The following ENOSF1 variants were observed in gnomAD, a reference collection of about 807,000 sequenced individuals.
ENOSF1 encodes the protein mitochondrial enolase superfamily member 1.
In ENOSF1, 73 loss-of-function variants were observed where a neutral mutation model predicts 68.2. That is an observed-to-expected ratio of 1.07 (90% CI 0.89 to 1.30). The LOEUF is 1.30. Among genes scored for constraint, ENOSF1 ranks in the 50% most tolerant of loss-of-function variants. ENOSF1 has a pLI of 0.00. For missense variants in ENOSF1, 589 were observed against 554.5 expected (o/e 1.06, Z -0.62); for synonymous variants, 223 against 210.4 (o/e 1.06, Z -0.52).
At chr18:698,740 C>T (rs2078008670) in intron 2 of ENOSF1, among the ~76,000 whole-genome samples, 1 of 152,138 alleles carries the variant, frequency 6.6e-6, no homozygotes, top group Non-Finnish European at 1.5e-5. Context: ...TCCACCTCCG[C>T]CTCCTGAGTA....
rs551849190 is a variant in ENOSF1, at chr18:701,775, G to C, written c.194-4420C>G. On this transcript the variant is annotated intron_variant, in intron 2 of 15. Transcript: ENST00000647584. ...CCATCTCAAAAAAAAAAAAAAATTA[G>C]CTGGCGTGATAGTGGGCACCTGTAA... Among the ~76,000 whole-genome samples, 64 of 138,858 alleles carry C rather than the reference G, an allele frequency of 4.6e-4. 1 individual carries two copies. Among genetic ancestry groups the C allele is most frequent in the South Asian group, 9.1e-4 (4 of 4,392 alleles). The allele number at this position is 138,858 out of a possible 152,430, so 91.1% of individuals were successfully genotyped here.
rs2075101367 is a variant in ENOSF1 at position 672,334 on chromosome 18, C to T, written c.*1971G>A. ...GCTTTTGAGTGGAGGTGACTTCAGGCTTATTCTCTCTGGCTCTCTGCTCTG... is the reference window on the plus strand; with the variant it reads ...GCTTTTGAGTGGAGGTGACTTCAGGTTTATTCTCTCTGGCTCTCTGCTCTG... On this transcript the variant is annotated 3_prime_UTR_variant, in exon 16 of 16. Coordinates refer to ENST00000647584, the MANE Select transcript of ENOSF1 (RefSeq NM_017512.7). 6.6e-6 allele frequency: 1 copy of T among 152,266 alleles called. No individual in the cohort carries two copies. Among genetic ancestry groups the T allele is most frequent in the African/African-American group, 2.4e-5 (1 of 41,434 alleles). 9.4% of individuals were successfully genotyped at this position (152,266 alleles called of 1,614,324 possible). A position where few individuals can be genotyped will look rare whatever the true frequency, so the allele number is the denominator to read the frequency against.
chr18:685,629 T>C (rs1598610274), intron 10 of ENOSF1, among the ~76,000 whole-genome samples: 1 of 150,750 alleles, frequency 6.6e-6, no homozygotes, highest in South Asian at 2.1e-4. Flanking sequence ...GGAGATTACA[T>C]GATTGACACA....
At chr18:676,526 G>C (rs760908103) in intron 14 of ENOSF1, among the ~76,000 whole-genome samples, 1 of 152,132 alleles carries the variant, frequency 6.6e-6, no homozygotes, top group Non-Finnish European at 1.5e-5. Context: ...CATCATGATT[G>C]TAAGTTTCCA....
intron 5 of ENOSF1, chr18:692,867 C>G: frequency 9.1e-7 from 1 of 1,098,628 alleles, no homozygotes; most frequent in Non-Finnish European, 1.1e-6. Context: ...AGCCTCCTGT[C>G]TTCACTTTCC....
intron 5 of ENOSF1, chr18:693,279 G>A: frequency 7.9e-7 from 1 of 1,273,438 alleles, no homozygotes; most frequent in Non-Finnish European, 1.0e-6. Flanking sequence ...AGGCTACAAT[G>A]GCCTGATCTT....
Position 685,957 on chromosome 18 carries a change from T to C in ENOSF1, c.705A>G (p.Gln235=). ...ADLQDDMRRC[Q]IIRDMIGPEK... ...CCGGTCCAATCATGTCTCGGATGAT[T>C]TGGCATCTTCGCATGTCATCCTGGA... Residue 235 remains glutamine (Q), a synonymous_variant, in exon 10 of 16, where the codon CAA becomes CAG. Coordinates refer to ENST00000647584, the MANE Select transcript of ENOSF1 (RefSeq NM_017512.7). 1 of 1,614,164 alleles carries C rather than the reference T, an allele frequency of 6.2e-7. No individual in the cohort carries two copies. The highest frequency in any genetic ancestry group is 8.5e-7 in the Non-Finnish European group (1 of 1,180,020).
At chr18:695,345 A>G (rs1354905115) in intron 3 of ENOSF1, among the ~76,000 whole-genome samples, 1 of 152,084 alleles carries the variant, frequency 6.6e-6, no homozygotes, top group African/African-American at 2.4e-5. Flanking sequence ...TATTATTAGG[A>G]TTGTTAACTT....
At chr18:692,967 G>A in intron 5 of ENOSF1, 1 of 1,174,650 alleles carries the variant, frequency 8.5e-7, no homozygotes, top group South Asian at 1.6e-5. Flanking sequence ...AATAACAAGG[G>A]CCTTCATTTG....
chr18:702,844 CA>C (rs764166191), intron 2 of ENOSF1, among the ~76,000 whole-genome samples: 7 of 152,014 alleles, frequency 4.6e-5, no homozygotes, highest in Non-Finnish European at 1.0e-4. Context: ...AATACCCAAC[CA>C]AAAACTACAT....
chr18:688,835 G>T (rs547277228), intron 8 of ENOSF1, among the ~76,000 whole-genome samples: 1 of 152,150 alleles, frequency 6.6e-6, no homozygotes, highest in Admixed American at 6.5e-5. Flanking sequence ...TTTTTTAATG[G>T]TCACAACCTT....
Position 673,138 on chromosome 18 carries a change from G to A in ENOSF1, c.*1167C>T. ...TGACCTATCAGTTATTAATTTTTAAGGATGTTGCCACTGGCAAATGTAACT... is the reference window on the plus strand; with the variant it reads ...TGACCTATCAGTTATTAATTTTTAAAGATGTTGCCACTGGCAAATGTAACT... On this transcript the variant is annotated 3_prime_UTR_variant, in exon 16 of 16. Transcript: ENST00000647584. 1.1e-6 allele frequency: 1 copy of A among 948,194 alleles called. No individual in the cohort carries two copies. The highest frequency in any genetic ancestry group is 3.0e-5 in the South Asian group (1 of 33,030). The allele number at this position is 948,194 out of a possible 1,614,324, so 58.7% of individuals were successfully genotyped here.
At chr18:675,023 T>C (rs535539300) in intron 15 of ENOSF1, among the ~76,000 whole-genome samples, 42 of 152,344 alleles carry the variant, frequency 2.8e-4, no homozygotes, top group African/African-American at 9.4e-4. Context: ...TCCAAACTTT[T>C]TAGGTCACTA....
intron 2 of ENOSF1, among the ~76,000 whole-genome samples, chr18:701,344 G>C (rs1367770227): frequency 6.6e-6 from 1 of 152,058 alleles, no homozygotes; most frequent in Admixed American, 6.5e-5. Context: ...ACTCTGGGCA[G>C]AATGTTGATA....
downstream of ENOSF1, chr18:668,978 T>C: frequency 9.6e-7 from 1 of 1,037,582 alleles, no homozygotes; most frequent in Non-Finnish European, 1.4e-6. Flanking sequence ...GGGGGGACCC[T>C]GGGTAAGAGA....
At chr18:711,745 T>A (rs750970694) in intron 1 of ENOSF1, among the ~76,000 whole-genome samples, 2 of 152,184 alleles carry the variant, frequency 1.3e-5, no homozygotes, top group Non-Finnish European at 2.9e-5. Flanking sequence ...CTTTATTACA[T>A]CTCTTAAGAC....
At position 673,020 on chromosome 18, in the gene ENOSF1, G is replaced by A. The variant is rs369868421; in HGVS notation, c.*1285C>T. On this transcript the variant is annotated 3_prime_UTR_variant, in exon 16 of 16. Coordinates refer to ENST00000647584, the MANE Select transcript of ENOSF1 (RefSeq NM_017512.7). ...TAGGGTGCTTTCAAAGGAGCTCGAA[G>A]GATATTGTCAGTCTTTAGGGGTTGG... 1 of 1,523,026 alleles carries A rather than the reference G, an allele frequency of 6.6e-7. No homozygotes were observed. Among genetic ancestry groups the A allele is most frequent in the African/African-American group, 1.4e-5 (1 of 73,868 alleles). The allele number at this position is 1,523,026 out of a possible 1,614,324, so 94.3% of individuals were successfully genotyped here. A position where few individuals can be genotyped will look rare whatever the true frequency, so the allele number is the denominator to read the frequency against.
At chr18:687,570 C>T (rs542875183) in intron 9 of ENOSF1, 12 of 152,326 alleles carry the variant, frequency 7.9e-5, no homozygotes, top group African/African-American at 1.9e-4. Context: ...AAAGTGCCAC[C>T]GTGAGCTGTG....
At chr18:666,974 GAGATGGA>G (rs1567989679), downstream of ENOSF1, among the ~76,000 whole-genome samples, 10 of 8,626 alleles carry the variant, frequency 1.2e-3, no homozygotes, top group Non-Finnish European at 2.4e-3. Context: ...GATGGTGATG[GAGATGGA>G]GATGGTGATG....
Sources: allele counts gnomAD v4.1 joint callset (sites outside exome capture counted in the v4.1 genomes callset), GRCh38; gene constraint gnomAD v4.1.1; transcripts MANE v1.5; gene names NCBI Gene and HGNC (gene_info 2026-07-23, HGNC 2026-07-21).